ST6GAL1: variants seen among roughly 807,000 people sequenced by gnomAD.
ST6GAL1 encodes beta-galactoside alpha-2,6-sialyltransferase 1.
ST6GAL1 carries 20 observed loss-of-function variants against 38.0 expected under a neutral mutation model. That is an observed-to-expected ratio of 0.53 (90% CI 0.37 to 0.77). The LOEUF is 0.77. Among genes scored for constraint, ST6GAL1 ranks in the 30% least tolerant of loss-of-function variants. The probability of loss-of-function intolerance (pLI) is 0.00; values close to 1 mark genes in which losing one functional copy is unlikely to be tolerated. For synonymous variants in ST6GAL1, 196 were observed against 188.2 expected, an observed-to-expected ratio of 1.04 and a Z score of -0.34; for missense variants, 432 against 496.4, an observed-to-expected ratio of 0.87 and a Z score of 1.23.
intron 5 of ST6GAL1, among the ~76,000 whole-genome samples, chr3:187,055,248 A>T (rs1272588934): frequency 6.6e-6 from 1 of 151,548 alleles, no homozygotes; most frequent in Non-Finnish European, 1.5e-5. Context: ...TCAAAAAAAA[A>T]AAAACAGCTC....
rs150913235 is a variant in ST6GAL1, at chr3:187,025,914, A to C, written c.-182-12828A>C. ...GAAATGTTCTGAGGACTTCATTATC[A>C]GTGCTGCCTGGCTGGGAAAAGATGT... On this transcript the variant is annotated intron_variant, in intron 2 of 7. Transcript: ENST00000169298. 5.3e-5 allele frequency among the ~76,000 whole-genome samples: 8 copies of C among 152,324 alleles called. No individual in the cohort carries two copies. In the East Asian group the frequency reaches 1.5e-3, roughly 29 times the overall value.
chr3:187,075,993 C>T lies in ST6GAL1; in HGVS notation c.*190C>T. ...AGGTCCAGCCTTCCCTGTAGCCAGA[C>T]AGTTTATGAGCCCAGAGCCTCCTGC... On this transcript the variant is annotated 3_prime_UTR_variant, in exon 8 of 8. Coordinates refer to ENST00000169298, the MANE Select transcript of ST6GAL1 (RefSeq NM_173216.2). The surrounding 1 kb of genome is among the most constrained non-coding windows in gnomAD (Gnocchi z 4.1). The T allele has an allele frequency of 1.2e-6, 1 of 808,226 alleles. No homozygotes were observed. Among genetic ancestry groups the T allele is most frequent in the Non-Finnish European group, 1.9e-6 (1 of 531,216 alleles). 50.1% of individuals were successfully genotyped at this position (808,226 alleles called of 1,614,324 possible). A position where few individuals can be genotyped will look rare whatever the true frequency, so the allele number is the denominator to read the frequency against.
intron 1 of ST6GAL1, among the ~76,000 whole-genome samples, chr3:186,960,571 G>C (rs1030071289): frequency 6.6e-6 from 1 of 152,184 alleles, no homozygotes; most frequent in South Asian, 2.1e-4. Flanking sequence ...CAGGAAGCAC[G>C]TGAGTAGATA....
At chr3:186,961,601 C>T (rs916805821) in intron 1 of ST6GAL1, among the ~76,000 whole-genome samples, 2 of 152,142 alleles carry the variant, frequency 1.3e-5, no homozygotes, top group African/African-American at 2.4e-5. Flanking sequence ...CCCATTCCCT[C>T]ATGAAGCTGC....
chr3:187,051,862 C>A (rs1718527205), intron 5 of ST6GAL1, among the ~76,000 whole-genome samples: 2 of 152,248 alleles, frequency 1.3e-5, no homozygotes, highest in Middle Eastern at 3.4e-3. Flanking sequence ...GTAGCACATG[C>A]CGATTTCTCA....
chr3:186,940,240 A>T (rs1386774892), intron 1 of ST6GAL1, among the ~76,000 whole-genome samples: 1 of 152,188 alleles, frequency 6.6e-6, no homozygotes, highest in Non-Finnish European at 1.5e-5. Flanking sequence ...CAAATGAAAC[A>T]TACATGTAAG....
chr3:186,937,349 G>T lies in ST6GAL1; in HGVS notation c.-325+6515G>T, dbSNP rs368779072. On this transcript the variant is annotated intron_variant, in intron 1 of 7. Coordinates refer to ENST00000169298, the MANE Select transcript of ST6GAL1 (RefSeq NM_173216.2). The stretch of plus-strand genomic sequence containing the variant: ...TCTGCCTTTCCCACCATTGCCTCAG[G>T]TGTTCAGCCATCACCCGTCGGTTCT... Among the ~76,000 whole-genome samples, 112 of 152,190 alleles carry T rather than the reference G, an allele frequency of 7.4e-4. 3 individuals carry two copies. The Middle Eastern group carries it at 0.031, about 42-fold the overall frequency.
At chr3:187,046,898 A>G (rs1718315306) in intron 4 of ST6GAL1, among the ~76,000 whole-genome samples, 3 of 152,226 alleles carry the variant, frequency 2.0e-5, no homozygotes, top group Admixed American at 6.5e-5. Context: ...GTTCCAACAA[A>G]ACTTTATTTA....
Position 186,971,658 on chromosome 3 carries a change from A to G in ST6GAL1, c.-183+7732A>G, listed in dbSNP as rs371473767. On this transcript the variant is annotated intron_variant, in intron 2 of 7. Coordinates refer to ENST00000169298, the MANE Select transcript of ST6GAL1 (RefSeq NM_173216.2). The stretch of plus-strand genomic sequence containing the variant: ...CACCAGTTATAGGAAATCTTTAGTC[A>G]TTGTCCTGGGTAGCCCATGAAAAGT... 3.5e-4 allele frequency among the ~76,000 whole-genome samples: 54 copies of G among 152,228 alleles called. 2 individuals are homozygous for G. In the South Asian group the frequency reaches 0.011, roughly 30 times the overall value.
intron 2 of ST6GAL1, among the ~76,000 whole-genome samples, chr3:187,004,296 T>C (rs898870768): frequency 1.1e-4 from 16 of 152,174 alleles, no homozygotes; most frequent in African/African-American, 3.6e-4. Context: ...TTACCCAATC[T>C]CAGGTATTTA....
chr3:186,951,406 T>C (rs1234357004), intron 1 of ST6GAL1, among the ~76,000 whole-genome samples: 3 of 152,208 alleles, frequency 2.0e-5, no homozygotes, highest in African/African-American at 7.2e-5. Flanking sequence ...GTAGGCCATG[T>C]CGCTTCATTT....
chr3:187,063,158 G>A (rs1329354364), intron 5 of ST6GAL1, among the ~76,000 whole-genome samples: 1 of 152,176 alleles, frequency 6.6e-6, no homozygotes. Context: ...AGTTGATAGA[G>A]GGAGAAAGTG....
chr3:186,966,221 A>G (rs1260088801), intron 2 of ST6GAL1, among the ~76,000 whole-genome samples: 1 of 152,146 alleles, frequency 6.6e-6, no homozygotes, highest in Admixed American at 6.5e-5. Flanking sequence ...TTATTCTGAG[A>G]ATCTTTAGAT....
At chr3:186,947,940 C>T (rs1205226798) in intron 1 of ST6GAL1, among the ~76,000 whole-genome samples, 1 of 152,220 alleles carries the variant, frequency 6.6e-6, no homozygotes, top group African/African-American at 2.4e-5. Context: ...ACAGCCCCTA[C>T]AGGGTTGACA....
intron 5 of ST6GAL1, among the ~76,000 whole-genome samples, chr3:187,065,876 G>A (rs573519756): frequency 6.6e-6 from 1 of 152,268 alleles, no homozygotes; most frequent in African/African-American, 2.4e-5. Context: ...AACCCTGTGA[G>A]GTATGACCAC....
intron 5 of ST6GAL1, among the ~76,000 whole-genome samples, chr3:187,061,947 A>G (rs2108595150): frequency 6.6e-6 from 1 of 152,338 alleles, no homozygotes; most frequent in East Asian, 1.9e-4. Flanking sequence ...CACACATAAT[A>G]GGAGAAAATA....
intron 4 of ST6GAL1, among the ~76,000 whole-genome samples, chr3:187,050,734 G>T (rs1459334459): frequency 6.6e-6 from 1 of 151,436 alleles, no homozygotes; most frequent in Admixed American, 6.6e-5. Flanking sequence ...ACGCCTGGGG[G>T]TTGTCTTGGA....
rs191440208 is a variant in ST6GAL1, at chr3:186,936,540, A to C, written c.-325+5706A>C. On this transcript the variant is annotated intron_variant, in intron 1 of 7. Transcript: ENST00000169298. ...TAGCATTGAGCAGTACAGTTTCACC[A>C]TATTAAAATACTGAGATGATTTTCT... Among the ~76,000 whole-genome samples the C allele has an allele frequency of 2.6e-3, 402 of 152,350 alleles. 2 individuals carry two copies. The highest frequency in any genetic ancestry group is 9.2e-3 in the African/African-American group (382 of 41,582).
At chr3:187,001,068 A>G (rs1229248175) in intron 2 of ST6GAL1, among the ~76,000 whole-genome samples, 3 of 152,222 alleles carry the variant, frequency 2.0e-5, no homozygotes, top group Admixed American at 2.0e-4. Context: ...TTCTTTGCAG[A>G]TGAATGGTGA....
Sources: allele counts gnomAD v4.1 joint callset (sites outside exome capture counted in the v4.1 genomes callset), GRCh38; gene constraint gnomAD v4.1.1; non-coding constraint Gnocchi (gnomAD v3.1); transcripts MANE v1.5; gene names NCBI Gene and HGNC (gene_info 2026-07-23, HGNC 2026-07-21).